Variants in SPATA45 observed in about 807,000 individuals in gnomAD.
SPATA45 encodes the protein spermatogenesis associated 45, also known as spermatogenesis-associated protein 45.
A neutral mutation model predicts 7.0 loss-of-function variants in SPATA45; 5 were observed. The observed-to-expected ratio is 0.71, with a 90% CI of 0.37 to 1.50. The LOEUF (loss-of-function observed/expected upper bound fraction) is 1.50, where lower values mean the gene tolerates loss of function less well. Among genes scored for constraint, SPATA45 ranks in the 40% most tolerant of loss-of-function variants. The probability of loss-of-function intolerance (pLI) is 0.03; values close to 1 mark genes in which losing one functional copy is unlikely to be tolerated. For synonymous variants in SPATA45, 40 were observed against 38.7 expected, an observed-to-expected ratio of 1.03 and a Z score of -0.13; for missense variants, 111 against 114.9, an observed-to-expected ratio of 0.97 and a Z score of 0.16.
At chr1:212,840,316 G>C (rs1465189388) in intron 1 of SPATA45, among the ~76,000 whole-genome samples, 1 of 145,170 alleles carries the variant, frequency 6.9e-6, no homozygotes, top group Non-Finnish European at 1.6e-5. Flanking sequence ...AGGCTGATTC[G>C]GAAGAATCAC....
chr1:212,833,479 C>T (rs189760517), intron 2 of SPATA45, among the ~76,000 whole-genome samples: 18 of 133,314 alleles, frequency 1.4e-4, no homozygotes, highest in Non-Finnish European at 2.2e-4. Context: ...GCCAACATGA[C>T]GAAACCCCAT....
At chr1:212,832,292 C>G (rs1369470191) in intron 2 of SPATA45, among the ~76,000 whole-genome samples, 1 of 149,976 alleles carries the variant, frequency 6.7e-6, no homozygotes, top group African/African-American at 2.4e-5. Flanking sequence ...GCGTGAGCCA[C>G]TGTGCCCGGC....
intron 2 of SPATA45, among the ~76,000 whole-genome samples, chr1:212,832,775 CTT>C (rs766253119): frequency 2.0e-5 from 3 of 151,464 alleles, no homozygotes; most frequent in Non-Finnish European, 4.4e-5. Flanking sequence ...GTGAGAAACT[CTT>C]AGGTTTGTGA....
At chr1:212,836,369 C>T (rs769653864) in intron 1 of SPATA45, among the ~76,000 whole-genome samples, 182 bp from the exon 2 acceptor site, 2 of 151,618 alleles carry the variant, frequency 1.3e-5, no homozygotes, top group Non-Finnish European at 2.9e-5. Flanking sequence ...CTTGCTCTGT[C>T]GCCCAGGTTG....
intron 1 of SPATA45, among the ~76,000 whole-genome samples, chr1:212,844,988 CT>C (rs1314904570): frequency 2.0e-5 from 3 of 152,154 alleles, no homozygotes; most frequent in Non-Finnish European, 2.9e-5. Context: ...TTTTCTCCTT[CT>C]CATTGGTCAC....
At chr1:212,844,660 G>A (rs1663757059) in intron 1 of SPATA45, among the ~76,000 whole-genome samples, 1 of 152,084 alleles carries the variant, frequency 6.6e-6, no homozygotes, top group Non-Finnish European at 1.5e-5. Flanking sequence ...CAAACTCATT[G>A]CCTTAACTCA....
chr1:212,833,503 CAAAAAAAA>C lies in SPATA45; in HGVS notation c.277+2362_277+2369del, dbSNP rs35760900. Among the ~76,000 whole-genome samples the C allele has an allele frequency of 1.9e-3, 202 of 108,732 alleles. 1 individual carries two copies. Among genetic ancestry groups the C allele is most frequent in the African/African-American group, 7.1e-3 (196 of 27,778 alleles). The allele number at this position is 108,732 out of a possible 152,430, so 71.3% of individuals were successfully genotyped here. ...ACGAAACCCCATCTCTACTAAAATACAAAAAAAAAAAAAAAAAAAAATTAGCCAGGCGT... is the reference window on the plus strand; with the variant it reads ...ACGAAACCCCATCTCTACTAAAATACAAAAAAAAAAAAATTAGCCAGGCGT... On this transcript the variant is annotated intron_variant, in intron 2 of 2. Transcript: ENST00000332912.
intron 1 of SPATA45, among the ~76,000 whole-genome samples, chr1:212,845,190 C>A (rs950718116): frequency 6.6e-6 from 1 of 152,156 alleles, no homozygotes; most frequent in Non-Finnish European, 1.5e-5. Context: ...TCCTTTCTAT[C>A]GTGAAAATCT....
chr1:212,838,786 C>G (rs548151321), intron 1 of SPATA45, among the ~76,000 whole-genome samples: 2 of 151,676 alleles, frequency 1.3e-5, no homozygotes, highest in South Asian at 4.2e-4. Context: ...ACGGCATCCT[C>G]GACCTCCCAG....
chr1:212,847,187 A>T (rs1231334780), intron 1 of SPATA45, among the ~76,000 whole-genome samples: 6 of 152,212 alleles, frequency 3.9e-5, no homozygotes, highest in Non-Finnish European at 8.8e-5. Flanking sequence ...AACTGTGCCC[A>T]GCCCAGGTTT....
intron 2 of SPATA45, among the ~76,000 whole-genome samples, chr1:212,833,673 T>C (rs1461113022): frequency 6.6e-6 from 1 of 151,334 alleles, no homozygotes; most frequent in African/African-American, 2.4e-5. Context: ...TTGAAGAGAG[T>C]TGGGGCCTTG....
intron 1 of SPATA45, among the ~76,000 whole-genome samples, chr1:212,845,590 C>T (rs1558099169): frequency 1.3e-5 from 2 of 152,160 alleles, no homozygotes. Flanking sequence ...CTCAAATCGC[C>T]ACCCTTAAGT....
chr1:212,834,984 C>T (rs1225982635), intron 2 of SPATA45, among the ~76,000 whole-genome samples: 1 of 151,598 alleles, frequency 6.6e-6, no homozygotes, highest in Non-Finnish European at 1.5e-5. Context: ...TTTCCAGGCA[C>T]CTCCCTAGAG....
chr1:212,847,363 G>A (rs899344909), intron 1 of SPATA45, among the ~76,000 whole-genome samples: 3 of 152,016 alleles, frequency 2.0e-5, no homozygotes, highest in African/African-American at 4.8e-5. Context: ...TTGCTTTTGC[G>A]CCATCCATAT....
chr1:212,830,175 A>G lies in SPATA45; in HGVS notation c.*67T>C. 8.7e-7 allele frequency: 1 copy of G among 1,151,890 alleles called. No individual in the cohort carries two copies. Among genetic ancestry groups the G allele is most frequent in the East Asian group, 2.5e-5 (1 of 39,324 alleles). The allele number at this position is 1,151,890 out of a possible 1,614,324, so 71.4% of individuals were successfully genotyped here. ...GCTTTGTTTATAATTAATAATTTGT[A>G]AATAATTTAGACACACTGAAGAAGA... On this transcript the variant is annotated 3_prime_UTR_variant, in exon 3 of 3. Transcript: ENST00000332912.
chr1:212,832,718 C>T (rs781179466), intron 2 of SPATA45, among the ~76,000 whole-genome samples: 8 of 151,490 alleles, frequency 5.3e-5, no homozygotes, highest in Non-Finnish European at 5.9e-5. Flanking sequence ...TATTATTACC[C>T]TCCTGCATTT....
chr1:212,841,369 GC>G (rs1663680533), intron 1 of SPATA45, among the ~76,000 whole-genome samples: 2 of 152,044 alleles, frequency 1.3e-5, no homozygotes, highest in South Asian at 4.1e-4. Flanking sequence ...TCAACATGTT[GC>G]CCAGGCTGGG....
At chr1:212,843,100 TACACACACAC>T (rs367648433) in intron 1 of SPATA45, among the ~76,000 whole-genome samples, 46 of 122,004 alleles carry the variant, frequency 3.8e-4, no homozygotes, top group African/African-American at 9.5e-4. Flanking sequence ...CCGTCAAACA[TACACACACAC>T]ACACACACAC....
At position 212,830,244 on chromosome 1, in the gene SPATA45, A is replaced by T. The variant is rs370601192; in HGVS notation, c.295T>A (p.Ter99LysextTer20). The T allele has an allele frequency of 6.6e-7, 1 of 1,525,880 alleles. No homozygotes were observed. Among genetic ancestry groups the T allele is most frequent in the Non-Finnish European group, 9.0e-7 (1 of 1,108,106 alleles). The allele number at this position is 1,525,880 out of a possible 1,614,324, so 94.5% of individuals were successfully genotyped here. A position where few individuals can be genotyped will look rare whatever the true frequency, so the allele number is the denominator to read the frequency against. Residue 99 changes from the stop codon to lysine (K), a stop_lost, in exon 3 of 3, where the codon TAA becomes AAA. Transcript: ENST00000332912. Reference protein sequence around the residue: ...FPPKNNAIFG* With the variant: ...FPPKNNAIFGK ...CCGTGTGTCTCTGGAGATGCACTTT[A>T]TCCAAATATGGCATTATCTGAAAAA... is the stretch of plus-strand genomic sequence containing the variant.
Sources: allele counts gnomAD v4.1 joint callset (sites outside exome capture counted in the v4.1 genomes callset), GRCh38; gene constraint gnomAD v4.1.1; transcripts MANE v1.5; gene names NCBI Gene and HGNC (gene_info 2026-07-23, HGNC 2026-07-21).